CTTNBP2: variants seen among roughly 807,000 people sequenced by gnomAD.
CTTNBP2 encodes the protein cortactin-binding protein 2.
CTTNBP2 carries 108 observed loss-of-function variants against 156.9 expected under a neutral mutation model. That is an observed-to-expected ratio of 0.69 (90% CI 0.59 to 0.81). The LOEUF is 0.81. CTTNBP2 is among the 30% of genes least tolerant of loss of function. The probability of loss-of-function intolerance (pLI) is 0.00; values close to 1 mark genes in which losing one functional copy is unlikely to be tolerated. For missense variants in CTTNBP2, 1,924 were observed against 2,035.4 expected, an observed-to-expected ratio of 0.95 and a Z score of 1.05; for synonymous variants, 767 against 751.8, an observed-to-expected ratio of 1.02 and a Z score of -0.33.
chr7:117,830,230 G>A (rs1306347125), intron 2 of CTTNBP2, among the ~76,000 whole-genome samples: 1 of 152,048 alleles, frequency 6.6e-6, no homozygotes, highest in Non-Finnish European at 1.5e-5. Flanking sequence ...ACATGCACAA[G>A]TACATGTACA....
rs184823548 is a variant in CTTNBP2 at position 117,796,163 on chromosome 7, T to A, written c.415-3382A>T. Among the ~76,000 whole-genome samples the A allele has an allele frequency of 5.9e-5, 9 of 152,356 alleles. No homozygotes were observed. The East Asian group carries it at 1.7e-3, about 29-fold the overall frequency. The stretch of plus-strand genomic sequence containing the variant: ...TCAATCTAAGGGGGAAAGGTTTCCA[T>A]CTGCTCAGTGTTGGACTTTCCTTCA... On this transcript the variant is annotated intron_variant, in intron 3 of 22. Coordinates refer to ENST00000160373, the MANE Select transcript of CTTNBP2 (RefSeq NM_033427.3).
At chr7:117,735,583 G>C (rs569362832) in intron 14 of CTTNBP2, among the ~76,000 whole-genome samples, 162 bp from the exon 15 acceptor site, 2 of 152,204 alleles carry the variant, frequency 1.3e-5, no homozygotes, top group South Asian at 4.1e-4. Context: ...AAAACTGTTC[G>C]GTATTATTTG....
Position 117,791,540 on chromosome 7 carries a change from G to C in CTTNBP2, c.1656C>G (p.Leu552=), listed in dbSNP as rs745890272. The C allele has an allele frequency of 6.2e-7, 1 of 1,614,120 alleles. No individual in the cohort carries two copies. Among genetic ancestry groups the C allele is most frequent in the Non-Finnish European group, 8.5e-7 (1 of 1,180,012 alleles). The change falls in exon 4 of 23, where the codon CTC becomes CTG. Residue 552 remains leucine, a synonymous_variant. Transcript: ENST00000160373. ...PPPIPPKKPG[L]SQTPSPPHPQ... is the part of the protein sequence containing the mutation. ...GGTGTGGTGGAGAAGGAGTTTGGGA[G>C]AGCCCTGGCTTTTTTGGAGGGATAG...
chr7:117,854,792 A>T (rs926457974), intron 2 of CTTNBP2, among the ~76,000 whole-genome samples: 2 of 152,006 alleles, frequency 1.3e-5, no homozygotes, highest in Non-Finnish European at 2.9e-5. Flanking sequence ...TAATTTATTT[A>T]TTTATTTTTT....
Position 117,818,632 on chromosome 7 carries a change from G to A in CTTNBP2, c.190-7643C>T, listed in dbSNP as rs73477481. 1.9e-3 allele frequency among the ~76,000 whole-genome samples: 288 copies of A among 152,284 alleles called. 1 individual carries two copies. Among genetic ancestry groups the A allele is most frequent in the African/African-American group, 6.7e-3 (279 of 41,550 alleles). Reference sequence around the variant, plus strand: ...ATTATTCAGTAGAGAACAGGTGTCAGAACTGGACTTCTGGACTCACTTTTG... The same window carrying A: ...ATTATTCAGTAGAGAACAGGTGTCAAAACTGGACTTCTGGACTCACTTTTG... On this transcript the variant is annotated intron_variant, in intron 2 of 22. Coordinates refer to ENST00000160373, the MANE Select transcript of CTTNBP2 (RefSeq NM_033427.3).
At chr7:117,810,129 G>A (rs1349460872) in intron 3 of CTTNBP2, among the ~76,000 whole-genome samples, 1 of 152,118 alleles carries the variant, frequency 6.6e-6, no homozygotes, top group African/African-American at 2.4e-5. Flanking sequence ...GAGGGGGAGA[G>A]GAGGAGGAGG....
Position 117,735,429 on chromosome 7 carries a change from A to C in CTTNBP2, c.3536-8T>G. ...TCACTGGGATCAGACAAGCTATAAT[A>C]AAAAAGGAAATTCAGTGATTCAAGC... On this transcript the variant is annotated splice_polypyrimidine_tract_variant and splice_region_variant and intron_variant, in intron 14 of 22. Transcript: ENST00000160373. The C allele has an allele frequency of 6.3e-7, 1 of 1,583,672 alleles. No homozygotes were observed. The highest frequency in any genetic ancestry group is 8.5e-7 in the Non-Finnish European group (1 of 1,171,134).
At chr7:117,851,044 A>T (rs1470886079) in intron 2 of CTTNBP2, among the ~76,000 whole-genome samples, 2 of 152,200 alleles carry the variant, frequency 1.3e-5, no homozygotes, top group African/African-American at 4.8e-5. Context: ...CTTAAAAAAC[A>T]AAGTTTCTAC....
intron 1 of CTTNBP2, among the ~76,000 whole-genome samples, chr7:117,864,348 C>A (rs958374680): frequency 1.3e-5 from 2 of 151,992 alleles, no homozygotes; most frequent in African/African-American, 2.4e-5. Context: ...TGTCTCTCTT[C>A]CCTCTATGAC....
chr7:117,822,753 G>A (rs1172239130), intron 2 of CTTNBP2, among the ~76,000 whole-genome samples: 2 of 152,136 alleles, frequency 1.3e-5, no homozygotes, highest in African/African-American at 4.8e-5. Context: ...CTTGTTTTAT[G>A]GCCCAGCATA....
intron 1 of CTTNBP2, among the ~76,000 whole-genome samples, chr7:117,863,179 G>C (rs910996087): frequency 6.6e-6 from 1 of 152,194 alleles, no homozygotes; most frequent in Non-Finnish European, 1.5e-5. Context: ...GAGCTAGGGG[G>C]TTCTCTCAAG....
At position 117,791,522 on chromosome 7, in the gene CTTNBP2, TGGA is replaced by T. The variant is rs1799009833; in HGVS notation, c.1671_1673del (p.Pro559del). 1.9e-6 allele frequency: 3 copies of T among 1,613,856 alleles called. No homozygotes were observed. The highest frequency in any genetic ancestry group is 1.3e-5 in the African/African-American group (1 of 74,838). On this transcript the variant is annotated inframe_deletion, in exon 4 of 23. Coordinates refer to ENST00000160373, the MANE Select transcript of CTTNBP2 (RefSeq NM_033427.3). ...TAATAACCTTGAGTTGGGGGTGTGG[TGGA>T]GAAGGAGTTTGGGAGAGCCCTGGCT...
At chr7:117,751,104 G>A (rs1465151819) in intron 12 of CTTNBP2, among the ~76,000 whole-genome samples, 1 of 152,144 alleles carries the variant, frequency 6.6e-6, no homozygotes, top group Non-Finnish European at 1.5e-5. Context: ...AACAGATTCT[G>A]GATTAAATGG....
At chr7:117,769,435 C>T (rs1040219513) in intron 8 of CTTNBP2, among the ~76,000 whole-genome samples, 3 of 152,136 alleles carry the variant, frequency 2.0e-5, no homozygotes, top group African/African-American at 7.2e-5. Flanking sequence ...GCAACTAGGA[C>T]ATTTGTTTCT....
chr7:117,735,148 T>C (rs771262822), intron 15 of CTTNBP2, 48 bp from the exon 16 acceptor site: 17 of 1,594,228 alleles, frequency 1.1e-5, no homozygotes, highest in Non-Finnish European at 1.4e-5. Flanking sequence ...AGTTATGTTA[T>C]GGGACAGATT....
At chr7:117,772,290 T>C (rs1011023401) in intron 8 of CTTNBP2, among the ~76,000 whole-genome samples, 1 of 152,178 alleles carries the variant, frequency 6.6e-6, no homozygotes, top group Non-Finnish European at 1.5e-5. Flanking sequence ...GACAAGACTA[T>C]GGAGGAGGCA....
chr7:117,746,095 T>G lies in CTTNBP2; in HGVS notation c.3353A>C (p.Glu1118Ala), dbSNP rs1796315676. Residue 1118 changes from glutamate to alanine, a missense_variant, in exon 13 of 23, where the codon GAG (glutamate) becomes GCG (alanine). Physicochemically the swap from Glu to Ala is moderately radical, Grantham distance 107 (BLOSUM62 -1). Transcript: ENST00000160373. ...QMMQNYLRLV[E>A]QYHNVIFHGP... ...GTGGAAAATGACATTATGATATTGCTCAACCTATTAACAAACCAAGTAGAG... is the reference window on the plus strand; with the variant it reads ...GTGGAAAATGACATTATGATATTGCGCAACCTATTAACAAACCAAGTAGAG... 7 of 1,612,632 alleles carry G rather than the reference T, an allele frequency of 4.3e-6. No homozygotes were observed. The Admixed American group carries it at 1.0e-4, about 23-fold the overall frequency.
chr7:117,758,259 GT>G, intron 10 of CTTNBP2: 1 of 373,074 alleles, frequency 2.7e-6, no homozygotes, highest in Non-Finnish European at 4.8e-6. Flanking sequence ...TATTTCTAGG[GT>G]TAAGCTCTCA....
At chr7:117,817,344 A>T (rs13245444) in intron 2 of CTTNBP2, among the ~76,000 whole-genome samples, 30,913 of 68,584 alleles carry the variant, frequency 0.45, 8,744 homozygotes, top group East Asian at 0.5. Context: ...AAAAAAAAAA[A>T]AAAAAAAAAA....
Sources: allele counts gnomAD v4.1 joint callset (sites outside exome capture counted in the v4.1 genomes callset), GRCh38; gene constraint gnomAD v4.1.1; transcripts MANE v1.5; gene names NCBI Gene and HGNC (gene_info 2026-07-23, HGNC 2026-07-21).